Variants in PAK2 observed in about 807,000 individuals in gnomAD.
The protein encoded by PAK2 is serine/threonine-protein kinase PAK 2.
A neutral mutation model predicts 65.9 loss-of-function variants in PAK2; 21 were observed. The ratio of observed to expected loss-of-function variants is 0.32; its 90% CI spans 0.23 to 0.46. The LOEUF (loss-of-function observed/expected upper bound fraction) is 0.46. Among genes scored for constraint, PAK2 ranks in the 20% least tolerant of loss-of-function variants. PAK2 has a pLI of 1.00. For missense variants in PAK2, 324 were observed against 642.6 expected (o/e 0.50, Z 5.36); for synonymous variants, 204 against 219.7 (o/e 0.93, Z 0.63).
intron 1 of PAK2, among the ~76,000 whole-genome samples, chr3:196,759,793 G>T (rs565354376): frequency 6.6e-6 from 1 of 151,980 alleles, no homozygotes; most frequent in African/African-American, 2.4e-5. Flanking sequence ...CCAAAGTGCC[G>T]GGATTACAGG....
chr3:196,756,230 A>C (rs1038540769), intron 1 of PAK2, among the ~76,000 whole-genome samples: 2 of 152,194 alleles, frequency 1.3e-5, no homozygotes, highest in East Asian at 1.9e-4. Context: ...GAAGAAAAAG[A>C]GAAAAAAGGG....
At chr3:196,793,879 C>A (rs1461831827) in intron 2 of PAK2, among the ~76,000 whole-genome samples, 1 of 152,148 alleles carries the variant, frequency 6.6e-6, no homozygotes, top group Admixed American at 6.5e-5. Flanking sequence ...ACCTGTAATC[C>A]CAGCACTTTG....
intron 1 of PAK2, among the ~76,000 whole-genome samples, chr3:196,762,584 G>C (rs1005714510): frequency 1.3e-5 from 2 of 150,826 alleles, no homozygotes; most frequent in African/African-American, 4.9e-5. Flanking sequence ...CACTCGGCAG[G>C]CTGAGGCAGG....
At chr3:196,744,538 A>G (rs923001071) in intron 1 of PAK2, among the ~76,000 whole-genome samples, 3 of 152,244 alleles carry the variant, frequency 2.0e-5, no homozygotes, top group Non-Finnish European at 2.9e-5. Context: ...ACCCTGTCTT[A>G]TAAAATTCTT....
At chr3:196,813,718 G>A (rs1047764828) in intron 10 of PAK2, among the ~76,000 whole-genome samples, 2 of 152,182 alleles carry the variant, frequency 1.3e-5, no homozygotes, top group South Asian at 2.1e-4. Flanking sequence ...TTGGGAGGCC[G>A]AGGCAGGTGG....
intron 13 of PAK2, among the ~76,000 whole-genome samples, chr3:196,823,790 C>T (rs9850293): frequency 7.0e-6 from 1 of 142,312 alleles, no homozygotes; most frequent in East Asian, 2.0e-4. Context: ...TGAAACTGGG[C>T]GACAGGGAGA....
Position 196,759,489 on chromosome 3 carries a change from G to GTTTT in PAK2, c.-22+19337_-22+19340dup, listed in dbSNP as rs1418582155. On this transcript the variant is annotated intron_variant, in intron 1 of 14. Coordinates refer to ENST00000327134, the MANE Select transcript of PAK2 (RefSeq NM_002577.4). Reference sequence around the variant, plus strand: ...ACCCTTTAAGGTATACAGTTAAGTGGTTTTTTTTGTTTTTTTTTTTTTTTT... The same window carrying GTTTT: ...ACCCTTTAAGGTATACAGTTAAGTGGTTTTTTTTTTTTGTTTTTTTTTTTTTTTT... Among the ~76,000 whole-genome samples the GTTTT allele has an allele frequency of 1.4e-3, 135 of 98,828 alleles. 2 individuals carry two copies. The highest frequency in any genetic ancestry group is 7.5e-3 in the Middle Eastern group (1 of 134). The allele number at this position is 98,828 out of a possible 152,430, so 64.8% of individuals were successfully genotyped here. A position where few individuals can be genotyped will look rare whatever the true frequency, so the allele number is the denominator to read the frequency against.
intron 1 of PAK2, among the ~76,000 whole-genome samples, chr3:196,774,975 A>G (rs1714489189): frequency 6.6e-6 from 1 of 152,214 alleles, no homozygotes. Flanking sequence ...AACTGAAAAC[A>G]TAGAGACTGA....
At chr3:196,785,400 G>T (rs1349082670) in intron 2 of PAK2, among the ~76,000 whole-genome samples, 1 of 152,118 alleles carries the variant, frequency 6.6e-6, no homozygotes, top group African/African-American at 2.4e-5. Flanking sequence ...ACTTGACTAG[G>T]TTTGTCAGAT....
intron 3 of PAK2, among the ~76,000 whole-genome samples, chr3:196,802,423 T>C (rs1715448527): frequency 6.6e-6 from 1 of 151,898 alleles, no homozygotes; most frequent in East Asian, 2.0e-4. Context: ...AATTAACATT[T>C]CTATCTATAC....
chr3:196,755,110 T>G (rs1244460984), intron 1 of PAK2, among the ~76,000 whole-genome samples: 1 of 152,194 alleles, frequency 6.6e-6, no homozygotes, highest in Non-Finnish European at 1.5e-5. Context: ...TGGTGGAGAT[T>G]TGGGACAGAC....
At chr3:196,757,978 CA>C (rs929148329) in intron 1 of PAK2, among the ~76,000 whole-genome samples, 11 of 152,264 alleles carry the variant, frequency 7.2e-5, no homozygotes, top group African/African-American at 2.2e-4. Context: ...AGAGATAGAA[CA>C]GTGAATGTAT....
chr3:196,755,309 C>G (rs906340570), intron 1 of PAK2, among the ~76,000 whole-genome samples: 1 of 152,076 alleles, frequency 6.6e-6, no homozygotes, highest in African/African-American at 2.4e-5. Flanking sequence ...CATTTTGCAT[C>G]TGTTTGATAA....
At chr3:196,827,743 A>G (rs560251364) in intron 14 of PAK2, among the ~76,000 whole-genome samples, 62 of 152,302 alleles carry the variant, frequency 4.1e-4, no homozygotes, top group African/African-American at 1.5e-3. Context: ...CCTAGAACTT[A>G]AAGTATTAAA....
At chr3:196,748,535 A>G (rs1469347148) in intron 1 of PAK2, among the ~76,000 whole-genome samples, 1 of 152,090 alleles carries the variant, frequency 6.6e-6, no homozygotes, top group Non-Finnish European at 1.5e-5. Flanking sequence ...TACTACCTCC[A>G]TCGCAATGCC....
chr3:196,756,043 C>T lies in PAK2; in HGVS notation c.-22+15886C>T, dbSNP rs150826038. 5.2e-3 allele frequency among the ~76,000 whole-genome samples: 789 copies of T among 152,236 alleles called. 4 individuals are homozygous for T. The highest frequency in any genetic ancestry group is 0.015 in the African/African-American group (640 of 41,560). On this transcript the variant is annotated intron_variant, in intron 1 of 14. Transcript: ENST00000327134. ...TGCAGGGATTACAGGTGTGAGCCAC[C>T]GCACCCGGCCCCTTCCAACTTTTTA...
chr3:196,742,033 C>T (rs1405802562), intron 1 of PAK2, among the ~76,000 whole-genome samples: 2 of 151,608 alleles, frequency 1.3e-5, no homozygotes, highest in East Asian at 3.9e-4. Context: ...AGTATACAGG[C>T]GATAGGGCTC....
intron 1 of PAK2, 123 bp downstream of exon 1, chr3:196,740,280 G>A (rs1446073031): frequency 6.6e-6 from 1 of 152,254 alleles, no homozygotes; most frequent in African/African-American, 2.4e-5. Flanking sequence ...CGGGGCCGGG[G>A]AGCCGCCACC....
At chr3:196,815,104 T>C (rs953638239) in intron 11 of PAK2, among the ~76,000 whole-genome samples, 39 of 151,462 alleles carry the variant, frequency 2.6e-4, no homozygotes, top group Admixed American at 5.9e-4. Flanking sequence ...GGCGTGAACC[T>C]GGGAGGTGGA....
Sources: allele counts gnomAD v4.1 joint callset (sites outside exome capture counted in the v4.1 genomes callset), GRCh38; gene constraint gnomAD v4.1.1; transcripts MANE v1.5; gene names NCBI Gene and HGNC (gene_info 2026-07-23, HGNC 2026-07-21).